Variants in SRPK2 observed in about 807,000 individuals in gnomAD.
SRPK2 encodes SRSF protein kinase 2, also known as SFRS protein kinase 2.
In SRPK2, 21 loss-of-function variants were observed where a neutral mutation model predicts 90.8. The ratio of observed to expected loss-of-function variants is 0.23; its 90% CI spans 0.16 to 0.33. The LOEUF (loss-of-function observed/expected upper bound fraction) is 0.33, where lower values mean the gene tolerates loss of function less well. Among genes scored for constraint, SRPK2 ranks in the 10% least tolerant of loss-of-function variants. The pLI, the probability that SRPK2 is intolerant of heterozygous loss-of-function variation, is 1.00. For synonymous variants in SRPK2, 288 were observed against 311.1 expected, an observed-to-expected ratio of 0.93 and a Z score of 0.78; for missense variants, 620 against 869.0, an observed-to-expected ratio of 0.71 and a Z score of 3.60.
intron 2 of SRPK2, among the ~76,000 whole-genome samples, chr7:105,374,438 A>T (rs1211199316): frequency 1.3e-5 from 2 of 152,190 alleles, no homozygotes; most frequent in Admixed American, 6.6e-5. Context: ...GCAGGATTCC[A>T]CCTAGTCTAA....
At chr7:105,289,975 A>C (rs1808739298) in intron 2 of SRPK2, among the ~76,000 whole-genome samples, 1 of 152,176 alleles carries the variant, frequency 6.6e-6, no homozygotes, top group East Asian at 1.9e-4. Flanking sequence ...GCCAAAGAGG[A>C]GGGAGAGAGA....
At chr7:105,150,121 A>C (rs1479155263) in intron 7 of SRPK2, among the ~76,000 whole-genome samples, 1 of 152,240 alleles carries the variant, frequency 6.6e-6, no homozygotes, top group African/African-American at 2.4e-5. Context: ...GTTCCTAGTA[A>C]GTACCAGTGA....
upstream of SRPK2, among the ~76,000 whole-genome samples, chr7:105,390,134 C>T (rs1822115609): frequency 6.6e-6 from 1 of 152,130 alleles, no homozygotes; most frequent in Non-Finnish European, 1.5e-5. Flanking sequence ...CACTGTTACC[C>T]TTTATCCCTA....
At chr7:105,360,080 G>C (rs764927617) in intron 2 of SRPK2, among the ~76,000 whole-genome samples, 2 of 152,138 alleles carry the variant, frequency 1.3e-5, no homozygotes, top group East Asian at 1.9e-4. Flanking sequence ...GGTGCATACA[G>C]ATTTAGGATA....
chr7:105,165,512 C>A (rs1789926658), intron 6 of SRPK2, among the ~76,000 whole-genome samples: 1 of 152,136 alleles, frequency 6.6e-6, no homozygotes, highest in Non-Finnish European at 1.5e-5. Flanking sequence ...AATCAGTGCT[C>A]TGTGTCTAGC....
intron 3 of SRPK2, among the ~76,000 whole-genome samples, chr7:105,184,095 C>T: frequency 6.6e-6 from 1 of 150,608 alleles, no homozygotes; most frequent in Non-Finnish European, 1.5e-5. Flanking sequence ...CCTGCCTCAG[C>T]CTCCGGAGTA....
Position 105,117,625 on chromosome 7 carries a change from C to T in SRPK2, c.*213G>A. On this transcript the variant is annotated 3_prime_UTR_variant, in exon 16 of 16. Coordinates refer to ENST00000393651, the MANE Select transcript of SRPK2 (RefSeq NM_182692.3). ...GTTATTGTTTCCAGAAGAAAATGGTCAGTAAACTACTTAGCTGAAGACAAA... is the reference window on the plus strand; with the variant it reads ...GTTATTGTTTCCAGAAGAAAATGGTTAGTAAACTACTTAGCTGAAGACAAA... 1 of 557,190 alleles carries T rather than the reference C, an allele frequency of 1.8e-6. No individual in the cohort carries two copies. The highest frequency in any genetic ancestry group is 3.1e-5 in the East Asian group (1 of 32,740). 34.5% of individuals were successfully genotyped at this position (557,190 alleles called of 1,614,324 possible).
intron 3 of SRPK2, among the ~76,000 whole-genome samples, chr7:105,173,600 A>G (rs1440210471): frequency 6.6e-6 from 1 of 152,224 alleles, no homozygotes; most frequent in Non-Finnish European, 1.5e-5. Flanking sequence ...CCCTGGGCTT[A>G]GTTAACTATG....
At chr7:105,167,307 T>G in intron 6 of SRPK2, 70 bp downstream of exon 6, 2 of 1,308,206 alleles carry the variant, frequency 1.5e-6, no homozygotes, top group Non-Finnish European at 1.1e-6. Flanking sequence ...TAAACAGAGA[T>G]TATAGGAGCT....
intron 2 of SRPK2, among the ~76,000 whole-genome samples, chr7:105,317,780 T>G (rs1230719769): frequency 6.6e-6 from 1 of 152,216 alleles, no homozygotes; most frequent in African/African-American, 2.4e-5. Flanking sequence ...TTGCTGTTGT[T>G]GTTGAGACAG....
intron 2 of SRPK2, among the ~76,000 whole-genome samples, chr7:105,310,981 C>T (rs1194522204): frequency 6.6e-6 from 1 of 152,106 alleles, no homozygotes; most frequent in African/African-American, 2.4e-5. Context: ...AGACAACCCA[C>T]AATCTAGGAG....
At chr7:105,397,802 C>G (rs1002507939) in intron 1 of SRPK2, among the ~76,000 whole-genome samples, 1 of 152,048 alleles carries the variant, frequency 6.6e-6, no homozygotes, top group African/African-American at 2.4e-5. Flanking sequence ...TAGCACCATG[C>G]CCTGCTAATT....
At chr7:105,374,783 G>A (rs548756691) in intron 2 of SRPK2, among the ~76,000 whole-genome samples, 133 of 152,028 alleles carry the variant, frequency 8.7e-4, no homozygotes, top group African/African-American at 3.0e-3. Context: ...CTATTTTTGT[G>A]TTTTTAGTAG....
At chr7:105,358,487 A>C (rs1348895308) in intron 2 of SRPK2, among the ~76,000 whole-genome samples, 1 of 152,030 alleles carries the variant, frequency 6.6e-6, no homozygotes. Context: ...GGAGTTCAAA[A>C]CCAGCCTGGA....
At chr7:105,144,286 G>C (rs971324275) in intron 9 of SRPK2, among the ~76,000 whole-genome samples, 1 of 146,366 alleles carries the variant, frequency 6.8e-6, no homozygotes, top group African/African-American at 2.5e-5. Context: ...TGTCGCCCAG[G>C]CTGGAGTGCA....
intron 2 of SRPK2, among the ~76,000 whole-genome samples, chr7:105,236,831 T>TA (rs954702378): frequency 3.3e-5 from 5 of 152,080 alleles, no homozygotes; most frequent in African/African-American, 7.2e-5. Flanking sequence ...AGATTTTCAT[T>TA]AAAAAACTAA....
chr7:105,226,525 C>A (rs1446564764), intron 2 of SRPK2, among the ~76,000 whole-genome samples: 2 of 152,046 alleles, frequency 1.3e-5, no homozygotes, highest in Non-Finnish European at 2.9e-5. Context: ...CTCCTGACCT[C>A]AGGTGATCTG....
intron 14 of SRPK2, 56 bp from the exon 15 acceptor site, chr7:105,126,396 G>T: frequency 7.9e-7 from 1 of 1,273,138 alleles, no homozygotes; most frequent in Non-Finnish European, 1.1e-6. Context: ...GGAAGGATGG[G>T]ATAAAAGAAG....
intron 2 of SRPK2, among the ~76,000 whole-genome samples, chr7:105,227,430 A>T (rs1226294048): frequency 6.6e-6 from 1 of 152,190 alleles, no homozygotes; most frequent in African/African-American, 2.4e-5. Context: ...ATCTGAATAG[A>T]TGTTCCTCCA....
Sources: gnomAD v4.1 joint callset for allele counts (sites outside exome capture counted in the v4.1 genomes callset) on GRCh38, gnomAD v4.1.1 for gene constraint, MANE v1.5 for transcripts, NCBI Gene and HGNC (gene_info 2026-07-23, HGNC 2026-07-21) for gene names.